Variants in PAK6 observed in about 807,000 individuals in gnomAD.
The protein encoded by PAK6 is p21 (RAC1) activated kinase 6.
A neutral mutation model predicts 60.8 loss-of-function variants in PAK6; 33 were observed. The observed-to-expected ratio is 0.54, with a 90% CI of 0.41 to 0.73. The LOEUF (loss-of-function observed/expected upper bound fraction) is 0.73. PAK6 is among the 30% of genes least tolerant of loss of function. The pLI is 0.00. For missense variants in PAK6, 845 were observed against 904.1 expected (o/e 0.93, Z 0.84); for synonymous variants, 404 against 378.5 (o/e 1.07, Z -0.78).
intron 10 of PAK6, among the ~76,000 whole-genome samples, chr15:40,274,780 G>A (rs1385794963): frequency 6.6e-6 from 1 of 152,242 alleles, no homozygotes; most frequent in Non-Finnish European, 1.5e-5. Flanking sequence ...ATAAGTGCAT[G>A]GAAGTGTATA....
chr15:40,274,822 C>T (rs1038256397), intron 10 of PAK6, among the ~76,000 whole-genome samples: 1 of 152,210 alleles, frequency 6.6e-6, no homozygotes, highest in Non-Finnish European at 1.5e-5. Context: ...TCGGCCCCAA[C>T]CCCGCAGGCC....
At chr15:40,273,311 T>C (rs1404465698) in intron 7 of PAK6, 35 bp from the exon 8 acceptor site, 1 of 1,606,494 alleles carries the variant, frequency 6.2e-7, no homozygotes, top group Admixed American at 1.7e-5. Flanking sequence ...GAGCTAACGT[T>C]CTCTTTCATC....
At chr15:40,241,501 C>A (rs2038336644) in intron 2 of PAK6, among the ~76,000 whole-genome samples, 1 of 152,112 alleles carries the variant, frequency 6.6e-6, no homozygotes, top group South Asian at 2.1e-4. Context: ...AGCAAGGAGT[C>A]CCCTCTGCAG....
At chr15:40,272,803 G>C in intron 6 of PAK6, 63 bp from the exon 7 acceptor site, 2 of 1,593,136 alleles carry the variant, frequency 1.3e-6, no homozygotes, top group South Asian at 2.3e-5. Context: ...CTGTGAGCAG[G>C]GGCAGTGGGT....
At chr15:40,271,353 C>T (rs960814649) in intron 5 of PAK6, among the ~76,000 whole-genome samples, 3 of 152,188 alleles carry the variant, frequency 2.0e-5, no homozygotes, top group Non-Finnish European at 4.4e-5. Context: ...CTCAGCTCCA[C>T]CTTCCCTTCC....
At chr15:40,249,321 G>A (rs780379110) in intron 2 of PAK6, among the ~76,000 whole-genome samples, 21 of 152,056 alleles carry the variant, frequency 1.4e-4, no homozygotes, top group African/African-American at 4.8e-4. Flanking sequence ...ATCTTGGGGG[G>A]ACACAAACAT....
Position 40,273,557 on chromosome 15 carries a change from C to G in PAK6, c.1624C>G (p.Leu542Val). 3 of 1,613,970 alleles carry G rather than the reference C, an allele frequency of 1.9e-6. 1 individual carries two copies. The Middle Eastern group carries it at 4.9e-4, about 266-fold the overall frequency. Residue 542 changes from leucine to valine, a missense_variant, in exon 9 of 11, where the codon CTC (leucine) becomes GTC (valine). Physicochemically the swap from Leu to Val is conservative, Grantham distance 32. Coordinates refer to ENST00000560346, the Ensembl canonical transcript of PAK6. ...ACTCCCTTTTCAACCGCAGGTGAAG[C>G]TCTCGGACTTCGGATTCTGTGCTCA...
chr15:40,253,937 G>A (rs541341445), intron 3 of PAK6, among the ~76,000 whole-genome samples: 1 of 152,272 alleles, frequency 6.6e-6, no homozygotes, highest in East Asian at 1.9e-4. Flanking sequence ...GGGGCAGAGG[G>A]GCTCAGGTCT....
At chr15:40,260,682 T>C (rs1052535917) in intron 3 of PAK6, among the ~76,000 whole-genome samples, 2 of 152,264 alleles carry the variant, frequency 1.3e-5, no homozygotes, top group East Asian at 1.9e-4. Context: ...AAAGGAAATA[T>C]GCTGGGATTT....
intron 5 of PAK6, among the ~76,000 whole-genome samples, chr15:40,271,610 C>G (rs1461575852): frequency 6.6e-6 from 1 of 152,202 alleles, no homozygotes; most frequent in Non-Finnish European, 1.5e-5. Flanking sequence ...TGGTGACACA[C>G]CTCTGTGGTC....
chr15:40,272,148 GCCAGC>G, intron 5 of PAK6, 71 bp from the exon 6 acceptor site: 1 of 1,509,618 alleles, frequency 6.6e-7, no homozygotes, highest in Non-Finnish European at 9.0e-7. Context: ...GGTCACGGCG[GCCAGC>G]CCCTGCCTCC....
intron 3 of PAK6, among the ~76,000 whole-genome samples, chr15:40,262,842 CT>C (rs1036277252): frequency 2.0e-4 from 30 of 152,190 alleles, no homozygotes; most frequent in African/African-American, 6.5e-4. Flanking sequence ...ATTAACCCCC[CT>C]GGCTCAGATC....
intron 9 of PAK6, 188 bp from the exon 10 acceptor site, chr15:40,273,954 C>T (rs530998214): frequency 1.3e-5 from 9 of 709,664 alleles, no homozygotes; most frequent in African/African-American, 5.3e-5. Context: ...ACAGCTGTGT[C>T]CCTATAGGCA....
intron 2 of PAK6, chr15:40,251,981 C>T (rs1201270976): frequency 1.3e-5 from 2 of 159,818 alleles, no homozygotes; most frequent in African/African-American, 4.8e-5. Flanking sequence ...TGCGGGTCTC[C>T]TGCCCTAGGA....
At chr15:40,270,856 A>G (rs2039281234) in intron 5 of PAK6, among the ~76,000 whole-genome samples, 1 of 152,222 alleles carries the variant, frequency 6.6e-6, no homozygotes, top group Non-Finnish European at 1.5e-5. Flanking sequence ...TAAGCAGGCC[A>G]GGGACTTGGC....
At chr15:40,244,911 C>A (rs2038456956) in intron 2 of PAK6, 4 of 152,190 alleles carry the variant, frequency 2.6e-5, no homozygotes, top group Admixed American at 2.0e-4. Context: ...CCAGCATTTC[C>A]TACAAAACCT....
intron 5 of PAK6, 33 bp from the exon 6 acceptor site, chr15:40,272,191 G>C: frequency 6.3e-7 from 1 of 1,586,316 alleles, no homozygotes; most frequent in Non-Finnish European, 8.6e-7. Flanking sequence ...TGCTCCCACA[G>C]CCCTGACCCT....
At chr15:40,262,599 G>A (rs980785773) in intron 3 of PAK6, among the ~76,000 whole-genome samples, 8 of 152,162 alleles carry the variant, frequency 5.3e-5, no homozygotes, top group Non-Finnish European at 8.8e-5. Context: ...TATATATGGC[G>A]AGGTCCCCAG....
intron 3 of PAK6, 25 bp downstream of exon 3, chr15:40,253,314 C>T (rs762798900): frequency 4.4e-6 from 2 of 454,526 alleles, no homozygotes; most frequent in Non-Finnish European, 8.8e-6. Flanking sequence ...GGCCCCCGGC[C>T]CTAGAGCCTT....
Sources: allele counts gnomAD v4.1 joint callset (sites outside exome capture counted in the v4.1 genomes callset), GRCh38; gene constraint gnomAD v4.1.1; transcripts MANE v1.5; gene names NCBI Gene and HGNC (gene_info 2026-07-23, HGNC 2026-07-21).